Variants in ARK2N observed in about 807,000 individuals in gnomAD.
ARK2N encodes the protein arkadia (RNF111) N-terminal like PKA signaling regulator 2N, also known as protein ARK2N.
At chr18:46,192,248 T>C in the ARK2N span, among the ~76,000 whole-genome samples, 1 of 152,072 alleles carries the variant, frequency 6.6e-6, no homozygotes, top group African/African-American at 2.4e-5. Flanking sequence ...TAGTGGTAGG[T>C]AGGATTTGCT....
chr18:46,179,876 T>C, the ARK2N span, among the ~76,000 whole-genome samples: 2,647 of 152,212 alleles, frequency 0.017, 70 homozygotes, highest in African/African-American at 0.06. Flanking sequence ...CTGCCCGCCT[T>C]GGCCTCCCAA....
At chr18:46,241,465 T>G in the ARK2N span, among the ~76,000 whole-genome samples, 1 of 152,192 alleles carries the variant, frequency 6.6e-6, no homozygotes, top group Admixed American at 6.5e-5. Context: ...CTCACGTCTG[T>G]AAGCCCAGCA....
At chr18:46,231,380 A>G in the ARK2N span, among the ~76,000 whole-genome samples, 1 of 152,180 alleles carries the variant, frequency 6.6e-6, no homozygotes, top group Non-Finnish European at 1.5e-5. Context: ...GACTTGACAA[A>G]TGGCTGGAGG....
chr18:46,181,037 G>T, the ARK2N span, among the ~76,000 whole-genome samples: 1 of 152,192 alleles, frequency 6.6e-6, no homozygotes, highest in Admixed American at 6.5e-5. Context: ...CGAGGCAGGT[G>T]GATCACAAGA....
the ARK2N span, among the ~76,000 whole-genome samples, chr18:46,187,474 T>G: frequency 6.6e-6 from 1 of 151,742 alleles, no homozygotes; most frequent in Non-Finnish European, 1.5e-5. Flanking sequence ...CCCGAGTAGC[T>G]GAGATTACAG....
At chr18:46,216,034 A>T in the ARK2N span, 2 of 1,613,980 alleles carry the variant, frequency 1.2e-6, no homozygotes, top group Non-Finnish European at 1.7e-6. This position sits in a 1 kb window ranked among gnomAD's most constrained non-coding sequence, Gnocchi z 4.3. Context: ...TTCTACAGTT[A>T]TTTCTTCAAT....
chr18:46,238,658 C>T, the ARK2N span, among the ~76,000 whole-genome samples: 1 of 152,116 alleles, frequency 6.6e-6, no homozygotes, highest in South Asian at 2.1e-4. Flanking sequence ...GTTCTTTATA[C>T]AGTGGCACCT....
the ARK2N span, chr18:46,218,737 C>T: frequency 1.3e-5 from 2 of 152,132 alleles, no homozygotes; most frequent in Admixed American, 6.5e-5. Context: ...CACGTTCAAC[C>T]TTATAGTAAG....
At chr18:46,185,820 C>T in the ARK2N span, among the ~76,000 whole-genome samples, 2 of 152,088 alleles carry the variant, frequency 1.3e-5, no homozygotes, top group Admixed American at 1.3e-4. Context: ...AACCCCGACT[C>T]TACTAAAAAT....
At chr18:46,257,757 C>T in the ARK2N span, among the ~76,000 whole-genome samples, 1 of 151,856 alleles carries the variant, frequency 6.6e-6, no homozygotes, top group African/African-American at 2.4e-5. Flanking sequence ...TAGCACAGAT[C>T]TGTATGTTAT....
At chr18:46,213,252 G>A in the ARK2N span, among the ~76,000 whole-genome samples, 1 of 151,468 alleles carries the variant, frequency 6.6e-6, no homozygotes, top group South Asian at 2.1e-4. Flanking sequence ...CACCTGCCTC[G>A]GCCTCCCAAA....
the ARK2N span, among the ~76,000 whole-genome samples, chr18:46,257,845 C>T: frequency 2.6e-5 from 4 of 151,884 alleles, no homozygotes; most frequent in African/African-American, 7.3e-5. Context: ...TGATCATTGG[C>T]GTTAATGTTG....
the ARK2N span, among the ~76,000 whole-genome samples, chr18:46,235,598 G>A: frequency 6.6e-6 from 1 of 152,198 alleles, no homozygotes; most frequent in Admixed American, 6.5e-5. Flanking sequence ...GAGAGAGTAG[G>A]CAAGGCTTTA....
At chr18:46,234,520 A>G in the ARK2N span, among the ~76,000 whole-genome samples, 1 of 151,008 alleles carries the variant, frequency 6.6e-6, no homozygotes, top group East Asian at 1.9e-4. Flanking sequence ...ATACATTTTC[A>G]TCTTGGTAAA....
chr18:46,203,339 A>G, the ARK2N span, among the ~76,000 whole-genome samples: 1 of 152,194 alleles, frequency 6.6e-6, no homozygotes, highest in Non-Finnish European at 1.5e-5. Flanking sequence ...ATACTGTTGC[A>G]TGGATGAACC....
At chr18:46,237,474 GC>G in the ARK2N span, among the ~76,000 whole-genome samples, 1 of 147,830 alleles carries the variant, frequency 6.8e-6, no homozygotes, top group Non-Finnish European at 1.5e-5. Context: ...TGCTACCTCT[GC>G]CTCTCAGGTT....
At chr18:46,215,743 A>G in the ARK2N span, 1 of 768,820 alleles carries the variant, frequency 1.3e-6, no homozygotes, top group Non-Finnish European at 2.1e-6. Context: ...CCACTTAGAA[A>G]GGTAGGCATG....
the ARK2N span, among the ~76,000 whole-genome samples, chr18:46,192,824 C>T: frequency 1.3e-5 from 2 of 151,652 alleles, no homozygotes; most frequent in Middle Eastern, 6.8e-3. Context: ...CCCACCTTGG[C>T]CTCCCAAAGT....
At chr18:46,264,806 T>C in the ARK2N span, 1 of 152,272 alleles carries the variant, frequency 6.6e-6, no homozygotes, top group Non-Finnish European at 1.5e-5. Context: ...TCCTGTATGT[T>C]CCTTCTTCCA....
Sources: gnomAD v4.1 joint callset for allele counts (sites outside exome capture counted in the v4.1 genomes callset) on GRCh38, gnomAD v4.1.1 for gene constraint, Gnocchi (gnomAD v3.1) non-coding constraint, MANE v1.5 for transcripts, NCBI Gene and HGNC (gene_info 2026-07-23, HGNC 2026-07-21) for gene names.